FNDC7: variants seen among roughly 807,000 people sequenced by gnomAD.
FNDC7 encodes the protein fibronectin type III domain-containing protein 7.
In FNDC7, 66 loss-of-function variants were observed where a neutral mutation model predicts 74.2. That is an observed-to-expected ratio of 0.89 (90% CI 0.73 to 1.09). The LOEUF is 1.09. Ranked by LOEUF, FNDC7 falls within the 50% of genes least tolerant of loss-of-function variation. The probability of loss-of-function intolerance (pLI) is 0.00; values close to 1 mark genes in which losing one functional copy is unlikely to be tolerated. For synonymous variants in FNDC7, 307 were observed against 330.2 expected, an observed-to-expected ratio of 0.93 and a Z score of 0.76; for missense variants, 829 against 893.4, an observed-to-expected ratio of 0.93 and a Z score of 0.92.
chr1:108,740,237 A>G (rs1467544059), intron 11 of FNDC7, among the ~76,000 whole-genome samples: 3 of 147,170 alleles, frequency 2.0e-5, no homozygotes, highest in African/African-American at 7.6e-5. Flanking sequence ...GGATATGCTG[A>G]GGGGAGCCAT....
Position 108,713,861 on chromosome 1 carries a change from TAC to T in FNDC7, c.82+334_82+335del, listed in dbSNP as rs1410265579. Among the ~76,000 whole-genome samples the T allele has an allele frequency of 3.9e-5, 6 of 152,362 alleles. 1 individual carries two copies. The East Asian group carries it at 7.7e-4, about 20-fold the overall frequency. On this transcript the variant is annotated intron_variant, in intron 2 of 12. Coordinates refer to ENST00000370017, the MANE Select transcript of FNDC7 (RefSeq NM_001144937.3). ...GATCATCATTCCAGTTAAGATATTG[TAC>T]AGAGTCTAATTTATACAAATGTTCT...
intron 1 of FNDC7, 114 bp downstream of exon 1, chr1:108,713,110 T>C: frequency 2.1e-6 from 2 of 963,100 alleles, no homozygotes; most frequent in Non-Finnish European, 3.1e-6. Flanking sequence ...GAAATCAGAA[T>C]ACTTTGGTTT....
intron 1 of FNDC7, among the ~76,000 whole-genome samples, chr1:108,713,251 A>G (rs1256814923): frequency 6.6e-6 from 1 of 152,228 alleles, no homozygotes; most frequent in Non-Finnish European, 1.5e-5. Context: ...ACTTAGTTCA[A>G]TAGGCAGATT....
chr1:108,730,208 C>T (rs1661311603), intron 8 of FNDC7, among the ~76,000 whole-genome samples: 1 of 151,966 alleles, frequency 6.6e-6, no homozygotes, highest in Non-Finnish European at 1.5e-5. Context: ...GAAACCCCAT[C>T]TCTACTGAAA....
At chr1:108,726,682 G>T (rs1007364239) in intron 6 of FNDC7, among the ~76,000 whole-genome samples, 20 of 151,972 alleles carry the variant, frequency 1.3e-4, no homozygotes, top group African/African-American at 4.3e-4. Flanking sequence ...CATCCTCAGT[G>T]CTTATAATAG....
chr1:108,718,115 A>G, intron 3 of FNDC7, 84 bp downstream of exon 3: 1 of 1,497,900 alleles, frequency 6.7e-7, no homozygotes, highest in Non-Finnish European at 9.0e-7. Flanking sequence ...GCAGAATGTG[A>G]TTTGGTGTCA....
Position 108,722,519 on chromosome 1 carries a change from A to C in FNDC7, c.783A>C (p.Glu261Asp), listed in dbSNP as rs765879284. Residue 261 changes from glutamate (E) to aspartate (D), a missense_variant, in exon 5 of 13, where the codon GAA becomes GAC. Physicochemically the swap from Glu to Asp is conservative, Grantham distance 45. Transcript: ENST00000370017. Reference protein sequence around the residue: ...CTISSLQCGTEYLISVLASND... With the variant: ...CTISSLQCGTDYLISVLASND... ...TCTCTTCCCTCCAGTGTGGAACTGA[A>C]TACTTGATTTCAGTTTTAGCAAGTA... 1.2e-6 allele frequency: 2 copies of C among 1,614,108 alleles called. No homozygotes were observed. Among genetic ancestry groups the C allele is most frequent in the Non-Finnish European group, 1.7e-6 (2 of 1,180,042 alleles).
intron 2 of FNDC7, among the ~76,000 whole-genome samples, 172 bp downstream of exon 2, chr1:108,713,701 C>G (rs759123656): frequency 1.3e-5 from 2 of 152,192 alleles, no homozygotes; most frequent in Non-Finnish European, 2.9e-5. Context: ...GAGACAATAA[C>G]TGGTAAGACA....
rs1226914063 is a variant in FNDC7 at position 108,727,779 on chromosome 1, C to T, written c.1112-29C>T. The T allele has an allele frequency of 2.2e-5, 36 of 1,610,818 alleles. No homozygotes were observed. The East Asian group carries it at 2.9e-4, about 13-fold the overall frequency. ...CCAGCTGCATTGCTCTTGATGGGAC[C>T]GCCATTTTCCCTCTGCTCCTGCTTT... On this transcript the variant is annotated intron_variant, in intron 6 of 12. Coordinates refer to ENST00000370017, the MANE Select transcript of FNDC7 (RefSeq NM_001144937.3).
At chr1:108,720,835 A>G (rs1354886097) in intron 4 of FNDC7, among the ~76,000 whole-genome samples, 2 of 152,228 alleles carry the variant, frequency 1.3e-5, no homozygotes, top group Admixed American at 6.5e-5. Context: ...ACCTGATTAC[A>G]TCTGCTATGA....
chr1:108,739,582 T>C (rs917077169), intron 11 of FNDC7, among the ~76,000 whole-genome samples: 3 of 152,210 alleles, frequency 2.0e-5, no homozygotes, highest in Non-Finnish European at 4.4e-5. Context: ...GATTCGTGCA[T>C]GTATTCAAGT....
At chr1:108,721,426 G>A (rs554702094) in intron 4 of FNDC7, among the ~76,000 whole-genome samples, 3 of 152,052 alleles carry the variant, frequency 2.0e-5, no homozygotes, top group African/African-American at 2.4e-5. Flanking sequence ...CCAAGATTGC[G>A]ACACTGCACT....
At chr1:108,735,677 C>G (rs1661496294) in intron 10 of FNDC7, among the ~76,000 whole-genome samples, 1 of 152,130 alleles carries the variant, frequency 6.6e-6, no homozygotes, top group South Asian at 2.1e-4. Context: ...GTACATTTTT[C>G]ATACTGTCTT....
rs370507373 is a variant in FNDC7 at position 108,715,942 on chromosome 1, C to T, written c.83-1835C>T. 8.7e-4 allele frequency among the ~76,000 whole-genome samples: 133 copies of T among 152,250 alleles called. 1 individual carries two copies. The South Asian group carries it at 0.022, about 25-fold the overall frequency. ...TTGCTATTTTCCCACCACACAACCC[C>T]GAGTTTCATTCTGTGATACTGGCTT... On this transcript the variant is annotated intron_variant, in intron 2 of 12. Coordinates refer to ENST00000370017, the MANE Select transcript of FNDC7 (RefSeq NM_001144937.3).
At chr1:108,732,366 A>T (rs538990065) in intron 9 of FNDC7, among the ~76,000 whole-genome samples, 18 of 147,694 alleles carry the variant, frequency 1.2e-4, no homozygotes, top group Admixed American at 7.4e-4. Context: ...AAAAAATACT[A>T]ATCAGCTACC....
chr1:108,722,629 A>G (rs1661119724), intron 5 of FNDC7, 37 bp downstream of exon 5: 1 of 1,580,802 alleles, frequency 6.3e-7, no homozygotes, highest in African/African-American at 1.3e-5. Context: ...TCGGGCTTGC[A>G]GCCCTGACTG....
At chr1:108,717,423 T>C (rs1660997837) in intron 2 of FNDC7, among the ~76,000 whole-genome samples, 1 of 147,142 alleles carries the variant, frequency 6.8e-6, no homozygotes. Context: ...TGGAGTAGAA[T>C]ACTCTGGAAG....
At chr1:108,723,518 G>A (rs1378283048) in intron 5 of FNDC7, among the ~76,000 whole-genome samples, 2 of 152,110 alleles carry the variant, frequency 1.3e-5, no homozygotes, top group East Asian at 3.8e-4. Flanking sequence ...TATTCTTTCA[G>A]GCCCGCACTC....
chr1:108,730,759 A>G lies in FNDC7; in HGVS notation c.1710A>G (p.Gln570=). The G allele has an allele frequency of 1.9e-6, 3 of 1,613,936 alleles. No homozygotes were observed. The highest frequency in any genetic ancestry group is 2.5e-6 in the Non-Finnish European group (3 of 1,179,910). The change falls in exon 9 of 13, where the codon CAA becomes CAG. Residue 570 remains glutamine, a synonymous_variant. Transcript: ENST00000370017. ...NVSWTIGRVA[Q]THVAVLESHT... ...GCTGGACTATTGGGAGAGTGGCTCA[A>G]ACCCATGTTGCAGTTCTGGAGTCAC...
Sources: allele counts gnomAD v4.1 joint callset (sites outside exome capture counted in the v4.1 genomes callset), GRCh38; gene constraint gnomAD v4.1.1; transcripts MANE v1.5; gene names NCBI Gene and HGNC (gene_info 2026-07-23, HGNC 2026-07-21).